EYS: variants seen among roughly 807,000 people sequenced by gnomAD.
The protein encoded by EYS is EGF-like photoreceptor maintenance factor, also known as protein eyes shut homolog.
In EYS, 250 loss-of-function variants were observed where a neutral mutation model predicts 282.1. The ratio of observed to expected loss-of-function variants is 0.89; its 90% confidence interval spans 0.80 to 0.98. The LOEUF is 0.98. EYS is among the 50% of genes least tolerant of loss of function. EYS has a pLI of 0.00. For missense variants in EYS, 4,016 were observed against 3,709.0 expected, an observed-to-expected ratio of 1.08 and a Z score of -2.15; for synonymous variants, 1,355 against 1,282.9, an observed-to-expected ratio of 1.06 and a Z score of -1.20.
intron 26 of EYS, among the ~76,000 whole-genome samples, chr6:64,543,100 C>T (rs1212100164): frequency 1.3e-5 from 2 of 152,030 alleles, no homozygotes; most frequent in African/African-American, 4.8e-5. Context: ...TAAAGTCCAC[C>T]ACCTGACACA....
At chr6:63,878,517 C>T (rs925230770) in intron 35 of EYS, among the ~76,000 whole-genome samples, 8 of 152,158 alleles carry the variant, frequency 5.3e-5, no homozygotes, top group East Asian at 3.8e-4. Flanking sequence ...CAGATAGGGA[C>T]GTTTAAGTCT....
At chr6:64,026,824 G>A (rs1769539241) in intron 33 of EYS, among the ~76,000 whole-genome samples, 1 of 152,140 alleles carries the variant, frequency 6.6e-6, no homozygotes, top group Non-Finnish European at 1.5e-5. Flanking sequence ...CCTTCAAGCT[G>A]TAGAGGGAGG....
chr6:64,035,309 C>T (rs1279334992), intron 33 of EYS, among the ~76,000 whole-genome samples: 1 of 152,176 alleles, frequency 6.6e-6, no homozygotes, highest in African/African-American at 2.4e-5. Context: ...ATAATTACAA[C>T]AACCATTGAA....
chr6:65,649,324 A>G (rs1031577481), intron 1 of EYS, among the ~76,000 whole-genome samples: 1 of 152,040 alleles, frequency 6.6e-6, no homozygotes, highest in Non-Finnish European at 1.5e-5. Context: ...GTGTTTGTGC[A>G]TAATGTGTAT....
intron 31 of EYS, among the ~76,000 whole-genome samples, chr6:64,169,842 A>C (rs2150306079): frequency 6.6e-6 from 1 of 152,222 alleles, no homozygotes; most frequent in Admixed American, 6.5e-5. Context: ...ATGGAAGGTA[A>C]CCTGCACAGG....
At chr6:63,895,290 C>G (rs1447251875) in intron 35 of EYS, among the ~76,000 whole-genome samples, 1 of 151,998 alleles carries the variant, frequency 6.6e-6, no homozygotes, top group Non-Finnish European at 1.5e-5. Context: ...TATCCAACTA[C>G]TATAATATAG....
chr6:64,419,585 G>A (rs1197333554), intron 28 of EYS, among the ~76,000 whole-genome samples: 4 of 152,162 alleles, frequency 2.6e-5, no homozygotes, highest in Non-Finnish European at 5.9e-5. Context: ...GGCGGTAAAG[G>A]GACTGGGTAA....
intron 37 of EYS, among the ~76,000 whole-genome samples, chr6:63,795,919 CATT>C (rs1360369298): frequency 6.6e-6 from 1 of 151,982 alleles, no homozygotes; most frequent in African/African-American, 2.4e-5. Context: ...TTATGGTAAT[CATT>C]ATGAAATTCT....
chr6:64,797,035 C>T (rs9452926), intron 22 of EYS, among the ~76,000 whole-genome samples: 75,128 of 151,830 alleles, frequency 0.49, 19,976 homozygotes, highest in Admixed American at 0.63. Context: ...CAGTATACTG[C>T]GGAATTTCAA....
chr6:64,142,813 GAC>G (rs1052989416), intron 31 of EYS, among the ~76,000 whole-genome samples: 10 of 152,140 alleles, frequency 6.6e-5, no homozygotes, highest in Admixed American at 4.6e-4. Context: ...AAGTGAATGA[GAC>G]AAATCTCAGA....
At position 65,295,759 on chromosome 6, in the gene EYS, C is replaced by T. The variant is rs183853882; in HGVS notation, c.2023+104G>A. 1.2e-5 allele frequency: 12 copies of T among 997,052 alleles called. No homozygotes were observed. The African/African-American group carries it at 1.5e-4, about 12-fold the overall frequency. The allele number at this position is 997,052 out of a possible 1,614,324, so 61.8% of individuals were successfully genotyped here. On this transcript the variant is annotated intron_variant, in intron 12 of 42. Coordinates refer to ENST00000503581, the MANE Select transcript of EYS (RefSeq NM_001142800.2). ...CCAAATAAGAAATGAGACAACAATA[C>T]CAATCAATAGACACATTTGAGATAT...
intron 14 of EYS, among the ~76,000 whole-genome samples, chr6:64,951,661 CAAAG>C (rs1212813665): frequency 2.6e-5 from 4 of 151,436 alleles, no homozygotes; most frequent in South Asian, 2.1e-4. Flanking sequence ...ATAAAAGAGA[CAAAG>C]AAAAACTCTG....
At chr6:64,537,552 G>C (rs1764565484) in intron 26 of EYS, among the ~76,000 whole-genome samples, 1 of 151,884 alleles carries the variant, frequency 6.6e-6, no homozygotes, top group Non-Finnish European at 1.5e-5. Flanking sequence ...TATTCATATG[G>C]CTTTTCTCTC....
At chr6:64,547,298 TGATTGGTCCATTTTACAGAGAGCC>T in intron 26 of EYS, among the ~76,000 whole-genome samples, 1 of 152,132 alleles carries the variant, frequency 6.6e-6, no homozygotes, top group African/African-American at 2.4e-5. Flanking sequence ...CACATCCTGC[TGATTGGTCCATTTTACAGAGAGCC>T]GACTGCTCCA....
chr6:65,163,525 A>G (rs775805975), intron 12 of EYS, among the ~76,000 whole-genome samples: 35 of 151,202 alleles, frequency 2.3e-4, no homozygotes, highest in Non-Finnish European at 4.7e-4. Flanking sequence ...AGTGTACTAG[A>G]TCAATGGTGA....
chr6:65,013,284 C>A (rs1033340101), intron 13 of EYS, among the ~76,000 whole-genome samples: 1 of 152,086 alleles, frequency 6.6e-6, no homozygotes, highest in African/African-American at 2.4e-5. Context: ...ATGATATTTT[C>A]TTTTGCAGAA....
intron 36 of EYS, among the ~76,000 whole-genome samples, chr6:63,813,044 T>C (rs1187967914): frequency 6.6e-6 from 1 of 152,176 alleles, no homozygotes; most frequent in East Asian, 1.9e-4. Context: ...AGTGGTGCAA[T>C]CTTGGCTCAC....
chr6:64,455,418 T>G (rs1342041507), intron 26 of EYS, among the ~76,000 whole-genome samples: 1 of 150,694 alleles, frequency 6.6e-6, no homozygotes. Flanking sequence ...GTTTAAAGTT[T>G]TCTGTTCTTT....
At position 64,066,492 on chromosome 6, in the gene EYS, C is replaced by A; in HGVS notation, c.6572-1G>T. The A allele has an allele frequency of 6.6e-7, 1 of 1,507,766 alleles. No homozygotes were observed. Among genetic ancestry groups the A allele is most frequent in the African/African-American group, 1.4e-5 (1 of 71,590 alleles). The allele number at this position is 1,507,766 out of a possible 1,614,324, so 93.4% of individuals were successfully genotyped here. On this transcript the variant is annotated splice_acceptor_variant, in intron 32 of 42. Coordinates refer to ENST00000503581, the MANE Select transcript of EYS (RefSeq NM_001142800.2). LOFTEE classifies it high-confidence loss of function. ...TGCTTTCCACAATTATTCCCATTAC[C>A]TTTAAGAAAAAAAGAATATATTAGT...
Sources: allele counts gnomAD v4.1 joint callset (sites outside exome capture counted in the v4.1 genomes callset), GRCh38; gene constraint gnomAD v4.1.1; transcripts MANE v1.5; gene names NCBI Gene and HGNC (gene_info 2026-07-23, HGNC 2026-07-21).